Variants in CELF2 observed in about 807,000 individuals in gnomAD.
CELF2 encodes the protein CUG triplet repeat RNA-binding protein 2.
A neutral mutation model predicts 62.6 loss-of-function variants in CELF2; 8 were observed. The ratio of observed to expected loss-of-function variants is 0.13; its 90% CI spans 0.07 to 0.23. The LOEUF is 0.23. Ranked by LOEUF, CELF2 falls within the 10% of genes least tolerant of loss-of-function variation. CELF2 has a pLI of 1.00. For missense variants in CELF2, 333 were observed against 671.0 expected, an observed-to-expected ratio of 0.50 and a Z score of 5.56; for synonymous variants, 258 against 250.0, an observed-to-expected ratio of 1.03 and a Z score of -0.30.
chr10:11,128,791 G>T (rs1033801625), intron 1 of CELF2, among the ~76,000 whole-genome samples: 4 of 152,160 alleles, frequency 2.6e-5, no homozygotes, highest in Non-Finnish European at 4.4e-5. Flanking sequence ...AGATGATGGG[G>T]TGTTCTAGAT....
intron 1 of CELF2, among the ~76,000 whole-genome samples, chr10:10,917,505 C>G (rs901157423): frequency 1.3e-5 from 2 of 151,968 alleles, no homozygotes; most frequent in Non-Finnish European, 2.9e-5. Context: ...ATGAGCAGCT[C>G]ATTTTTCAAA....
chr10:10,596,371 G>T, the CELF2 span, among the ~76,000 whole-genome samples: 1 of 152,274 alleles, frequency 6.6e-6, no homozygotes, highest in South Asian at 2.1e-4. Context: ...GAACATGGTT[G>T]CAGAGCCATC....
At chr10:10,830,916 C>A (rs1564685355) in intron 1 of CELF2, among the ~76,000 whole-genome samples, 1 of 152,124 alleles carries the variant, frequency 6.6e-6, no homozygotes, top group Non-Finnish European at 1.5e-5. Context: ...TTGTCCAATG[C>A]GTTAAAAACA....
At chr10:10,584,756 C>T in the CELF2 span, among the ~76,000 whole-genome samples, 1 of 152,140 alleles carries the variant, frequency 6.6e-6, no homozygotes, top group Non-Finnish European at 1.5e-5. Flanking sequence ...GAAAGAGTTC[C>T]CTGTCTCTGC....
intron 10 of CELF2, chr10:11,317,217 T>G (rs1005603074): frequency 1.3e-5 from 2 of 151,932 alleles, no homozygotes; most frequent in Middle Eastern, 3.4e-3. Flanking sequence ...GTGAAAAGTG[T>G]CTATGGAAAT....
the CELF2 span, among the ~76,000 whole-genome samples, chr10:10,653,464 G>T: frequency 6.8e-6 from 1 of 146,018 alleles, no homozygotes; most frequent in Non-Finnish European, 1.5e-5. Context: ...CACATACTTG[G>T]AAGTAAAGCT....
the CELF2 span, among the ~76,000 whole-genome samples, chr10:10,700,317 G>T: frequency 2.0e-5 from 3 of 152,318 alleles, no homozygotes; most frequent in South Asian, 4.1e-4. Context: ...AGACTCTGTT[G>T]TTCATTCCAG....
the CELF2 span, among the ~76,000 whole-genome samples, chr10:10,657,502 A>G: frequency 7.0e-4 from 107 of 152,330 alleles, no homozygotes; most frequent in African/African-American, 2.5e-3. Context: ...GTAACTCAAT[A>G]AAGCTGTTTT....
chr10:11,086,955 C>A (rs941670183), intron 1 of CELF2, among the ~76,000 whole-genome samples: 1 of 152,122 alleles, frequency 6.6e-6, no homozygotes, highest in African/African-American at 2.4e-5. Flanking sequence ...TATTAGGTCT[C>A]TCTGATTTGC....
At chr10:10,792,333 T>C in the CELF2 span, 1 of 398,132 alleles carries the variant, frequency 2.5e-6, no homozygotes, top group African/African-American at 2.1e-5. Context: ...CTGGAGTTTT[T>C]GTGGGGGAGT....
rs184767317 is a variant in CELF2 at position 11,123,083 on chromosome 10, C to T, written c.75-42403C>T. ...ACATCCATAGTTTTCCAGTTCCTCC[C>T]GGTCCTCAGTCTCCCAGCTCTCCAG... On this transcript the variant is annotated intron_variant, in intron 1 of 12. Coordinates refer to ENST00000633077, the MANE Select transcript of CELF2 (RefSeq NM_001326342.2). 3.7e-3 allele frequency among the ~76,000 whole-genome samples: 552 copies of T among 150,804 alleles called. 1 individual carries two copies. The highest frequency in any genetic ancestry group is 0.013 in the African/African-American group (512 of 40,798).
chr10:10,553,877 G>T, the CELF2 span, among the ~76,000 whole-genome samples: 2 of 152,174 alleles, frequency 1.3e-5, no homozygotes, highest in African/African-American at 4.8e-5. Context: ...ACAGGGCCTT[G>T]CCAGCCCTAG....
rs2073528890 is a variant in CELF2 at position 11,240,667 on chromosome 10, CAG to C, written c.355-8485_355-8484del. Among the ~76,000 whole-genome samples, 14 of 152,192 alleles carry C rather than the reference CAG, an allele frequency of 9.2e-5. 1 individual carries two copies. Among genetic ancestry groups the C allele is most frequent in the Admixed American group, 5.9e-4 (9 of 15,298 alleles). On this transcript the variant is annotated intron_variant, in intron 3 of 12. Transcript: ENST00000633077. ...TCCTGCCCTTTTCATAAAACCCAAA[CAG>C]TAATTTTTGTTCTTGGGCTAATTGT...
At chr10:11,112,253 GAAT>G (rs1420063721) in intron 1 of CELF2, among the ~76,000 whole-genome samples, 1 of 152,150 alleles carries the variant, frequency 6.6e-6, no homozygotes. Flanking sequence ...TCCACCTTGG[GAAT>G]AATGAGCTTT....
At chr10:10,658,778 C>T in the CELF2 span, among the ~76,000 whole-genome samples, 2 of 152,022 alleles carry the variant, frequency 1.3e-5, no homozygotes, top group South Asian at 4.2e-4. Flanking sequence ...AACATTTTAA[C>T]TGGCCTGATA....
intron 1 of CELF2, among the ~76,000 whole-genome samples, chr10:11,137,740 A>G (rs2060660895): frequency 1.3e-5 from 2 of 152,258 alleles, no homozygotes; most frequent in South Asian, 4.1e-4. Flanking sequence ...ATTCAGCTCC[A>G]CAGAGTAACT....
chr10:11,079,431 A>G (rs1056313350), intron 1 of CELF2, among the ~76,000 whole-genome samples: 2 of 152,160 alleles, frequency 1.3e-5, no homozygotes, highest in Non-Finnish European at 2.9e-5. Flanking sequence ...CTTGCCTTGA[A>G]TTGTAATAAT....
the CELF2 span, among the ~76,000 whole-genome samples, chr10:10,607,443 A>G: frequency 6.6e-6 from 1 of 152,198 alleles, no homozygotes; most frequent in South Asian, 2.1e-4. Context: ...TTATTCTTTG[A>G]TAGATCTCAA....
At chr10:11,004,346 G>C (rs2054838565), upstream of CELF2, among the ~76,000 whole-genome samples, 1 of 152,118 alleles carries the variant, frequency 6.6e-6, no homozygotes, top group Admixed American at 6.5e-5. This position sits in a 1 kb window ranked among gnomAD's most constrained non-coding sequence, Gnocchi z 5.0. Flanking sequence ...TCCTGGAATA[G>C]TGCCTTAGCT....
Sources: allele counts gnomAD v4.1 joint callset (sites outside exome capture counted in the v4.1 genomes callset), GRCh38; gene constraint gnomAD v4.1.1; non-coding constraint Gnocchi (gnomAD v3.1); transcripts MANE v1.5; gene names NCBI Gene and HGNC (gene_info 2026-07-23, HGNC 2026-07-21).